Variants in KIAA1614 observed in about 807,000 individuals in gnomAD.
KIAA1614 encodes uncharacterized protein KIAA1614.
A neutral mutation model predicts 88.7 loss-of-function variants in KIAA1614; 76 were observed. That is an observed-to-expected ratio of 0.86 (90% CI 0.71 to 1.04). The LOEUF is 1.04. KIAA1614 is among the 50% of genes least tolerant of loss of function. KIAA1614 has a pLI of 0.00. For missense variants in KIAA1614, 1,553 were observed against 1,582.5 expected, an observed-to-expected ratio of 0.98 and a Z score of 0.32; for synonymous variants, 714 against 675.5, an observed-to-expected ratio of 1.06 and a Z score of -0.88.
Position 180,947,760 on chromosome 1 carries a change from A to T in KIAA1614, c.*2172A>T, listed in dbSNP as rs1368644553. ...CCCACTGAGCCTCACTCAGTTCCCT[A>T]ATCTGTGAAATGAGGATGACAAAAC... On this transcript the variant is annotated 3_prime_UTR_variant, in exon 9 of 9. Transcript: ENST00000367588. 2.8e-4 allele frequency: 43 copies of T among 152,128 alleles called. No individual in the cohort carries two copies. Among genetic ancestry groups the T allele is most frequent in the Admixed American group, 2.8e-3 (43 of 15,280 alleles). 9.4% of individuals were successfully genotyped at this position (152,128 alleles called of 1,614,324 possible). A position where few individuals can be genotyped will look rare whatever the true frequency, so the allele number is the denominator to read the frequency against.
Position 180,912,972 on chromosome 1 carries a change from G to A in KIAA1614, c.-272G>A, listed in dbSNP as rs1367818278. ...TTCCCTGCCAGCGCCCTCCCTGCCC[G>A]ACCCCGCTTCCCGTCCTCTCGCCGG... On this transcript the variant is annotated 5_prime_UTR_variant, in exon 1 of 9. Transcript: ENST00000367588. This position sits in a 1 kb window ranked among gnomAD's most constrained non-coding sequence, Gnocchi z 5.1. Among the ~76,000 whole-genome samples the A allele has an allele frequency of 6.6e-6, 1 of 151,866 alleles. No homozygotes were observed. Among genetic ancestry groups the A allele is most frequent in the East Asian group, 1.9e-4 (1 of 5,160 alleles).
At position 180,950,564 on chromosome 1, in the gene KIAA1614, GC is replaced by G. The variant is rs1654709389; in HGVS notation, c.*4978del. On this transcript the variant is annotated 3_prime_UTR_variant, in exon 9 of 9. Coordinates refer to ENST00000367588, the MANE Select transcript of KIAA1614 (RefSeq NM_020950.2). ...AAGTGCCGCTGCCCTCACTGTCACG[GC>G]CTCGGAAGCCCTGAAGCACTCAGGG... is the stretch of plus-strand genomic sequence containing the variant. The G allele has an allele frequency of 9.3e-7, 1 of 1,074,972 alleles. No individual in the cohort carries two copies. The highest frequency in any genetic ancestry group is 2.2e-5 in the South Asian group (1 of 44,900). 66.6% of individuals were successfully genotyped at this position (1,074,972 alleles called of 1,614,324 possible).
Position 180,916,199 on chromosome 1 carries a change from C to A in KIAA1614, c.96C>A (p.Thr32=). ...GSGTASPVEG[T]SAVEWSGPEP... is the part of the protein sequence containing the mutation. ...GAACAGCCAGCCCCGTGGAGGGGACCTCAGCTGTGGAGTGGAGTGGTCCTG... is the reference window on the plus strand; with the variant it reads ...GAACAGCCAGCCCCGTGGAGGGGACATCAGCTGTGGAGTGGAGTGGTCCTG... Residue 32 remains threonine (T), a synonymous_variant, in exon 2 of 9, where the codon ACC becomes ACA. Transcript: ENST00000367588. 1 of 1,602,128 alleles carries A rather than the reference C, an allele frequency of 6.2e-7. No homozygotes were observed. Among genetic ancestry groups the A allele is most frequent in the Non-Finnish European group, 8.5e-7 (1 of 1,174,736 alleles).
intron 6 of KIAA1614, among the ~76,000 whole-genome samples, chr1:180,940,678 CTCCT>C (rs1234884508): frequency 6.0e-5 from 9 of 149,216 alleles, no homozygotes; most frequent in Non-Finnish European, 1.3e-4. Context: ...CTCTCTCTCT[CTCCT>C]TCCTTCCTTC....
intron 3 of KIAA1614, among the ~76,000 whole-genome samples, chr1:180,921,610 G>C (rs1354714667): frequency 1.3e-5 from 2 of 152,196 alleles, no homozygotes; most frequent in Admixed American, 6.5e-5. Context: ...CACCCCTTGG[G>C]CTAGGGATCT....
At chr1:180,929,271 A>C (rs1419824907) in intron 4 of KIAA1614, among the ~76,000 whole-genome samples, 2 of 152,156 alleles carry the variant, frequency 1.3e-5, no homozygotes, top group African/African-American at 4.8e-5. Context: ...TGTGAGCTCT[A>C]ATGACTCCTT....
At chr1:180,915,233 C>T (rs780166054) in intron 1 of KIAA1614, among the ~76,000 whole-genome samples, 1 of 152,218 alleles carries the variant, frequency 6.6e-6, no homozygotes, top group Non-Finnish European at 1.5e-5. Context: ...TTGAGCTCAA[C>T]CCCATGCTGT....
At position 180,922,574 on chromosome 1, in the gene KIAA1614, C is replaced by T. The variant is rs184231110; in HGVS notation, c.1061+4660C>T. Among the ~76,000 whole-genome samples the T allele has an allele frequency of 3.3e-5, 5 of 152,288 alleles. No homozygotes were observed. The East Asian group carries it at 9.6e-4, about 29-fold the overall frequency. On this transcript the variant is annotated intron_variant, in intron 3 of 8. Coordinates refer to ENST00000367588, the MANE Select transcript of KIAA1614 (RefSeq NM_020950.2). ...AATTTCAGGGGCTTGGCCTGTGGTT[C>T]AAGTGGTCAGGCCCTCAGCTGTGAG...
rs369866208 is a variant in KIAA1614 at position 180,945,306 on chromosome 1, G to A, written c.3291G>A (p.Pro1097=). 259 of 1,582,008 alleles carry A rather than the reference G, an allele frequency of 1.6e-4. No individual in the cohort carries two copies. Among genetic ancestry groups the A allele is most frequent in the Admixed American group, 5.2e-4 (26 of 50,466 alleles). Residue 1097 remains proline, a synonymous_variant, in exon 9 of 9, where the codon CCG becomes CCA. Coordinates refer to ENST00000367588, the MANE Select transcript of KIAA1614 (RefSeq NM_020950.2). ...TGTGTCTCTGGTTCCCTCGCAGGCC[G>A]GCCAAGACTTCACCACGGCGTGCCC... is the stretch of plus-strand genomic sequence containing the variant. ...GPGDHSAAGR[P]AKTSPRRALS...
At position 180,913,173 on chromosome 1, in the gene KIAA1614, AG is replaced by A. The variant is rs1341381560; in HGVS notation, c.-70del. Reference sequence around the variant, plus strand: ...CTCCGGCCCCGGATTCGGGGCTGGAAGTCCCTCCCCGAACCCAGCAGCTGGC... The same window carrying A: ...CTCCGGCCCCGGATTCGGGGCTGGAATCCCTCCCCGAACCCAGCAGCTGGC... On this transcript the variant is annotated 5_prime_UTR_variant, in exon 1 of 9. Transcript: ENST00000367588. 1 of 1,151,442 alleles carries A rather than the reference AG, an allele frequency of 8.7e-7. No individual in the cohort carries two copies. The highest frequency in any genetic ancestry group is 1.1e-6 in the Non-Finnish European group (1 of 903,848). 71.3% of individuals were successfully genotyped at this position (1,151,442 alleles called of 1,614,324 possible).
Position 180,936,368 on chromosome 1 carries a change from T to C in KIAA1614, c.2459T>C (p.Val820Ala). ...CCTTCGAGGAAAACCACCTCGCCAG[T>C]GTCTCACAGGAAGGCAGCCCTGGCT... Reference protein sequence around the residue: ...PPPSRKTTSPVSHRKAALAGL... With the variant: ...PPPSRKTTSPASHRKAALAGL... Residue 820 changes from valine to alanine, a missense_variant, in exon 5 of 9, where the codon GTG becomes GCG. Physicochemically the swap from Val to Ala is moderately conservative, Grantham distance 64. Transcript: ENST00000367588. 1 of 1,614,204 alleles carries C rather than the reference T, an allele frequency of 6.2e-7. No homozygotes were observed. Among genetic ancestry groups the C allele is most frequent in the Non-Finnish European group, 8.5e-7 (1 of 1,180,022 alleles).
At position 180,912,908 on chromosome 1, in the gene KIAA1614, C is replaced by T. The variant is rs575282632; in HGVS notation, c.-336C>T. Among the ~76,000 whole-genome samples the T allele has an allele frequency of 8.9e-4, 136 of 151,986 alleles. 1 individual carries two copies. The East Asian group carries it at 0.014, about 16-fold the overall frequency. The stretch of plus-strand genomic sequence containing the variant: ...GCGCGGGCTTGGCCGCTCTTCCCCT[C>T]CACGGCAAAGCCGTGAACGGACAGC... On this transcript the variant is annotated 5_prime_UTR_variant, in exon 1 of 9. Coordinates refer to ENST00000367588, the MANE Select transcript of KIAA1614 (RefSeq NM_020950.2). This position sits in a 1 kb window ranked among gnomAD's most constrained non-coding sequence, Gnocchi z 5.1.
Position 180,947,401 on chromosome 1 carries a change from C to T in KIAA1614, c.*1813C>T, listed in dbSNP as rs1406078235. The T allele has an allele frequency of 6.6e-6, 1 of 152,272 alleles. No individual in the cohort carries two copies. The highest frequency in any genetic ancestry group is 6.5e-5 in the Admixed American group (1 of 15,282). 9.4% of individuals were successfully genotyped at this position (152,272 alleles called of 1,614,324 possible). A position where few individuals can be genotyped will look rare whatever the true frequency, so the allele number is the denominator to read the frequency against. On this transcript the variant is annotated 3_prime_UTR_variant, in exon 9 of 9. Transcript: ENST00000367588. The stretch of plus-strand genomic sequence containing the variant: ...GGAGCCAGGGAGCCCTGTGTTGAAG[C>T]TATTTCAGCAGTCCAGGACAGAGAC...
In KIAA1614 at chr1:180,918,047, C is replaced by T. The variant is rs115660111; in HGVS notation, c.1061+133C>T. 2.1e-3 allele frequency: 1,514 copies of T among 736,986 alleles called. 18 individuals carry two copies. In the African/African-American group the frequency reaches 0.022, roughly 11 times the overall value. The allele number at this position is 736,986 out of a possible 1,614,324, so 45.7% of individuals were successfully genotyped here. A position where few individuals can be genotyped will look rare whatever the true frequency, so the allele number is the denominator to read the frequency against. ...ACTCCTGCACCAGCAGACCAGTGGA[C>T]GTCATCATCCCTGAGACCCTGCAGA... On this transcript the variant is annotated intron_variant, in intron 3 of 8. Coordinates refer to ENST00000367588, the MANE Select transcript of KIAA1614 (RefSeq NM_020950.2).
At chr1:180,929,744 G>A (rs1654151447) in intron 4 of KIAA1614, among the ~76,000 whole-genome samples, 1 of 152,246 alleles carries the variant, frequency 6.6e-6, no homozygotes, top group South Asian at 2.1e-4. Context: ...AGGCCACCAG[G>A]CTATGCCAGG....
At position 180,935,342 on chromosome 1, in the gene KIAA1614, C is replaced by G; in HGVS notation, c.1433C>G (p.Thr478Ser). Residue 478 changes from threonine (T) to serine (S), a missense_variant, in exon 5 of 9, where the codon ACC (threonine) becomes AGC (serine). Coordinates refer to ENST00000367588, the MANE Select transcript of KIAA1614 (RefSeq NM_020950.2). The surrounding 1 kb of genome is among the most constrained non-coding windows in gnomAD (Gnocchi z 6.1). ...CAGCGCCAGCGCCAGGTGCTGAGCA[C>G]CGTGTTGCAGGCCGCGGACCAGGGC... ...LQQRQRQVLS[T>S]VLQAADQGPL... The G allele has an allele frequency of 6.8e-7, 1 of 1,477,854 alleles. No individual in the cohort carries two copies. The highest frequency in any genetic ancestry group is 2.5e-5 in the East Asian group (1 of 40,592). The allele number at this position is 1,477,854 out of a possible 1,614,324, so 91.5% of individuals were successfully genotyped here.
At chr1:180,919,933 GAGA>G (rs1479674587) in intron 3 of KIAA1614, among the ~76,000 whole-genome samples, 2 of 152,164 alleles carry the variant, frequency 1.3e-5, no homozygotes, top group African/African-American at 4.8e-5. Flanking sequence ...TGGAGAGAGA[GAGA>G]AGGTCTCTTA....
intron 6 of KIAA1614, 44 bp from the exon 7 acceptor site, chr1:180,940,997 ACCCT>A: frequency 5.1e-6 from 5 of 984,040 alleles, no homozygotes; most frequent in Non-Finnish European, 5.7e-6. Flanking sequence ...CTCCCTGGCC[ACCCT>A]CCCGGCCCTC....
intron 3 of KIAA1614, among the ~76,000 whole-genome samples, chr1:180,927,466 T>C (rs1654093389): frequency 6.6e-6 from 1 of 152,314 alleles, no homozygotes; most frequent in East Asian, 1.9e-4. Flanking sequence ...CGTTCGACCT[T>C]GAACAATGTG....
Sources: gnomAD v4.1 joint callset for allele counts (sites outside exome capture counted in the v4.1 genomes callset) on GRCh38, gnomAD v4.1.1 for gene constraint, Gnocchi (gnomAD v3.1) non-coding constraint, MANE v1.5 for transcripts, NCBI Gene and HGNC (gene_info 2026-07-23, HGNC 2026-07-21) for gene names.